KCNIP4: variants seen among roughly 807,000 people sequenced by gnomAD.
The protein encoded by KCNIP4 is Kv channel-interacting protein 4.
In KCNIP4, 12 loss-of-function variants were observed where a neutral mutation model predicts 34.0. The ratio of observed to expected loss-of-function variants is 0.35; its 90% CI spans 0.23 to 0.57. The LOEUF (loss-of-function observed/expected upper bound fraction) is 0.57, where lower values mean the gene tolerates loss of function less well. KCNIP4 is among the 20% of genes least tolerant of loss of function. The probability of loss-of-function intolerance (pLI) is 0.83; values close to 1 mark genes in which losing one functional copy is unlikely to be tolerated. For missense variants in KCNIP4, 238 were observed against 311.7 expected (o/e 0.76, Z 1.78); for synonymous variants, 124 against 102.2 (o/e 1.21, Z -1.29).
intron 1 of KCNIP4, among the ~76,000 whole-genome samples, chr4:21,645,372 T>C (rs1335449401): frequency 1.3e-5 from 2 of 152,196 alleles, no homozygotes; most frequent in Non-Finnish European, 2.9e-5. Context: ...AAGCGGTTAA[T>C]GGAGTTTCCT....
chr4:20,864,544 T>G (rs1722673771), intron 2 of KCNIP4, among the ~76,000 whole-genome samples: 1 of 151,604 alleles, frequency 6.6e-6, no homozygotes, highest in South Asian at 2.1e-4. Context: ...GGGAATGGAG[T>G]CTGGGAAGTC....
In KCNIP4 at chr4:21,129,083, G is replaced by A. The variant is rs191827263; in HGVS notation, c.62-246374C>T. Among the ~76,000 whole-genome samples, 439 of 152,238 alleles carry A rather than the reference G, an allele frequency of 2.9e-3. 2 individuals carry two copies. Among genetic ancestry groups the A allele is most frequent in the East Asian group, 7.3e-3 (38 of 5,174 alleles). Reference sequence around the variant, plus strand: ...CAGGTGGAGATAACTGAATCACGGCGGCGGTTCCCCCATACTGTTCTCGTG... The same window carrying A: ...CAGGTGGAGATAACTGAATCACGGCAGCGGTTCCCCCATACTGTTCTCGTG... On this transcript the variant is annotated intron_variant, in intron 1 of 8. Coordinates refer to ENST00000382152, the MANE Select transcript of KCNIP4 (RefSeq NM_025221.6).
intron 1 of KCNIP4, among the ~76,000 whole-genome samples, chr4:21,871,789 C>T (rs1725833711): frequency 6.9e-6 from 1 of 145,450 alleles, no homozygotes; most frequent in Non-Finnish European, 1.5e-5. Flanking sequence ...CCCCCACCCC[C>T]CGCCTTACCC....
At chr4:21,060,960 T>C (rs1743862236) in intron 1 of KCNIP4, among the ~76,000 whole-genome samples, 1 of 152,174 alleles carries the variant, frequency 6.6e-6, no homozygotes, top group Non-Finnish European at 1.5e-5. Context: ...AAACATATGC[T>C]AATGACAAAT....
intron 1 of KCNIP4, among the ~76,000 whole-genome samples, chr4:21,668,171 A>C (rs1749163357): frequency 6.6e-6 from 1 of 152,166 alleles, no homozygotes; most frequent in Admixed American, 6.5e-5. Flanking sequence ...CATAAGTGGG[A>C]GTTGAACAAT....
intron 1 of KCNIP4, among the ~76,000 whole-genome samples, chr4:21,905,698 A>G (rs1010254626): frequency 6.6e-6 from 1 of 152,124 alleles, no homozygotes; most frequent in African/African-American, 2.4e-5. Context: ...CAAATCTACC[A>G]TGTGACCAGC....
intron 1 of KCNIP4, among the ~76,000 whole-genome samples, chr4:20,978,260 A>G (rs1735678711): frequency 1.3e-5 from 2 of 152,214 alleles, no homozygotes; most frequent in African/African-American, 4.8e-5. Context: ...AAATATATAT[A>G]TAACAAAAAT....
At chr4:21,295,736 G>C (rs1039877148) in intron 1 of KCNIP4, among the ~76,000 whole-genome samples, 1 of 152,058 alleles carries the variant, frequency 6.6e-6, no homozygotes, top group Non-Finnish European at 1.5e-5. Flanking sequence ...CCCTGTTTCT[G>C]TCCCCATGCT....
intron 1 of KCNIP4, among the ~76,000 whole-genome samples, chr4:21,468,361 A>G (rs1024834242): frequency 2.6e-5 from 4 of 152,170 alleles, no homozygotes; most frequent in African/African-American, 9.7e-5. Context: ...GGGAACCCCT[A>G]CTGCAAGGTA....
intron 1 of KCNIP4, among the ~76,000 whole-genome samples, chr4:21,623,083 G>T (rs574435581): frequency 6.6e-6 from 1 of 152,164 alleles, no homozygotes. Context: ...TGTGTTCAGT[G>T]CAGTACTATG....
At chr4:21,517,188 T>C (rs996060766) in intron 1 of KCNIP4, among the ~76,000 whole-genome samples, 1 of 152,120 alleles carries the variant, frequency 6.6e-6, no homozygotes, top group African/African-American at 2.4e-5. Flanking sequence ...ACAGTGAAGC[T>C]GAATATACAC....
chr4:21,218,307 A>C (rs894208435), intron 1 of KCNIP4, among the ~76,000 whole-genome samples: 1 of 151,992 alleles, frequency 6.6e-6, no homozygotes, highest in Non-Finnish European at 1.5e-5. Context: ...GAGCCACTGC[A>C]CCCAGCCTGT....
chr4:21,729,485 C>T lies in KCNIP4; in HGVS notation c.61+219086G>A, dbSNP rs146669715. Among the ~76,000 whole-genome samples, 445 of 152,212 alleles carry T rather than the reference C, an allele frequency of 2.9e-3. 3 individuals carry two copies. Among genetic ancestry groups the T allele is most frequent in the African/African-American group, 9.3e-3 (385 of 41,516 alleles). On this transcript the variant is annotated intron_variant, in intron 1 of 8. Transcript: ENST00000382152. Reference sequence around the variant, plus strand: ...CAGCTAAGATGCAAGACTTCTGTGACGAGAATTTCACCATGTCCTTTCACA... The same window carrying T: ...CAGCTAAGATGCAAGACTTCTGTGATGAGAATTTCACCATGTCCTTTCACA...
At chr4:21,310,592 A>G (rs1330155569) in intron 1 of KCNIP4, among the ~76,000 whole-genome samples, 6 of 152,104 alleles carry the variant, frequency 3.9e-5, no homozygotes, top group Non-Finnish European at 7.4e-5. Flanking sequence ...AAACGAGCAG[A>G]AGGCAAAGGC....
At chr4:21,643,413 CT>C (rs1270352666) in intron 1 of KCNIP4, among the ~76,000 whole-genome samples, 1 of 151,876 alleles carries the variant, frequency 6.6e-6, no homozygotes, top group African/African-American at 2.4e-5. Context: ...AAAGTATTGC[CT>C]TGTTATTGTC....
intron 1 of KCNIP4, among the ~76,000 whole-genome samples, chr4:21,184,515 A>G (rs1364377408): frequency 6.6e-6 from 1 of 152,148 alleles, no homozygotes; most frequent in East Asian, 1.9e-4. Context: ...GAAATTCGCT[A>G]TTACGTAATG....
At chr4:21,103,549 T>C (rs999141103) in intron 1 of KCNIP4, among the ~76,000 whole-genome samples, 1 of 151,226 alleles carries the variant, frequency 6.6e-6, no homozygotes, top group Non-Finnish European at 1.5e-5. Flanking sequence ...TAAAATTCAA[T>C]GTAGCGAAGT....
chr4:21,485,897 G>T (rs537954306), intron 1 of KCNIP4, among the ~76,000 whole-genome samples: 1 of 152,150 alleles, frequency 6.6e-6, no homozygotes, highest in African/African-American at 2.4e-5. Context: ...CAGCAAACAG[G>T]AAAGCCTGGT....
intron 3 of KCNIP4, among the ~76,000 whole-genome samples, chr4:20,763,769 CA>C (rs1755153006): frequency 6.6e-6 from 1 of 152,052 alleles, no homozygotes; most frequent in Admixed American, 6.6e-5. Context: ...CTATGTTGCC[CA>C]GGCTGGATTT....
Sources: gnomAD v4.1 joint callset for allele counts (sites outside exome capture counted in the v4.1 genomes callset) on GRCh38, gnomAD v4.1.1 for gene constraint, MANE v1.5 for transcripts, NCBI Gene and HGNC (gene_info 2026-07-23, HGNC 2026-07-21) for gene names.